PCDHGA1: variants seen among roughly 807,000 people sequenced by gnomAD.
PCDHGA1 encodes protocadherin gamma subfamily A, 1.
Under a neutral mutation model 58.0 loss-of-function variants are expected in PCDHGA1, and 32 were observed. The observed-to-expected ratio is 0.55, with a 90% CI of 0.42 to 0.74. PCDHGA1 has a LOEUF of 0.74. Among genes scored for constraint, PCDHGA1 ranks in the 30% least tolerant of loss-of-function variants. PCDHGA1 has a pLI of 0.00. For missense variants in PCDHGA1, 1,205 were observed against 1,182.3 expected (o/e 1.02, Z -0.28); for synonymous variants, 498 against 501.1 (o/e 0.99, Z 0.08).
In PCDHGA1 at chr5:141,432,039, G is replaced by A; in HGVS notation, c.2422-62768G>A. 1 of 1,614,176 alleles carries A rather than the reference G, an allele frequency of 6.2e-7. No individual in the cohort carries two copies. The highest frequency in any genetic ancestry group is 8.5e-7 in the Non-Finnish European group (1 of 1,180,028). ...AACATCACAGTGACCGCCACTGACC[G>A]GGGAACCCCGCCCCTATCCACGGAA... On this transcript the variant is annotated intron_variant, in intron 1 of 3. Coordinates refer to ENST00000517417, the MANE Select transcript of PCDHGA1 (RefSeq NM_018912.3). This position sits in a 1 kb window ranked among gnomAD's most constrained non-coding sequence, Gnocchi z 6.0.
chr5:141,418,688 A>C, intron 1 of PCDHGA1: 2 of 1,614,032 alleles, frequency 1.2e-6, no homozygotes, highest in Non-Finnish European at 1.7e-6. Flanking sequence ...CAACTCAGAG[A>C]TCACTTATTC....
chr5:141,423,004 G>T lies in PCDHGA1; in HGVS notation c.2422-71803G>T, dbSNP rs1206727312. 2 of 1,614,116 alleles carry T rather than the reference G, an allele frequency of 1.2e-6. No individual in the cohort carries two copies. Among genetic ancestry groups the T allele is most frequent in the African/African-American group, 1.3e-5 (1 of 74,958 alleles). ...ACCTGGCTACCTGGTGACCAAGGTG[G>T]TTGCGGTGGACAAAGATTCAGGCCA... On this transcript the variant is annotated intron_variant, in intron 1 of 3. Transcript: ENST00000517417.
At chr5:141,362,201 A>G in intron 1 of PCDHGA1, 7 of 1,613,962 alleles carry the variant, frequency 4.3e-6, no homozygotes, top group Non-Finnish European at 5.9e-6. Flanking sequence ...GCAAAACTGC[A>G]GTTTTACCTG....
intron 1 of PCDHGA1, among the ~76,000 whole-genome samples, chr5:141,460,183 CCA>C (rs561755067): frequency 7.2e-5 from 11 of 151,782 alleles, no homozygotes; most frequent in Non-Finnish European, 1.0e-4. Context: ...ATATTTTATC[CCA>C]GACTATGACT....
chr5:141,508,171 A>G (rs1364776681), intron 3 of PCDHGA1: 2 of 152,406 alleles, frequency 1.3e-5, no homozygotes, highest in African/African-American at 4.8e-5. Context: ...AGGCTGGCAC[A>G]GGAGAGAAGG....
At chr5:141,389,405 G>T (rs758428464) in intron 1 of PCDHGA1, 1 of 1,613,496 alleles carries the variant, frequency 6.2e-7, no homozygotes, top group South Asian at 1.1e-5. Context: ...CCATAAGCGC[G>T]GAGAGCGGGG....
chr5:141,339,767 G>A, intron 1 of PCDHGA1: 2 of 1,614,140 alleles, frequency 1.2e-6, no homozygotes, highest in East Asian at 2.2e-5. Flanking sequence ...CACGGTGACC[G>A]CCACTGACGC....
chr5:141,428,186 C>CCGCTCTCTG, intron 1 of PCDHGA1: 2 of 1,460,956 alleles, frequency 1.4e-6, no homozygotes, highest in Non-Finnish European at 1.9e-6. Flanking sequence ...AGGACAGCCG[C>CCGCTCTCTG]CGCTCTCTGC....
intron 1 of PCDHGA1, among the ~76,000 whole-genome samples, chr5:141,338,535 A>G (rs769747197): frequency 6.6e-6 from 1 of 152,228 alleles, no homozygotes; most frequent in African/African-American, 2.4e-5. Flanking sequence ...TATCAAGATC[A>G]TGTTCATTTA....
intron 1 of PCDHGA1, chr5:141,360,991 G>A (rs773432270): frequency 1.9e-6 from 3 of 1,613,428 alleles, no homozygotes; most frequent in Non-Finnish European, 2.5e-6. Flanking sequence ...TAATGTGGAC[G>A]AACAAGTGAA....
chr5:141,417,533 A>T (rs1253836392), intron 1 of PCDHGA1: 3 of 274,888 alleles, frequency 1.1e-5, no homozygotes, highest in African/African-American at 2.2e-5. Context: ...CTCGTAGTTT[A>T]AAAAAAATTC....
chr5:141,389,269 A>G, intron 1 of PCDHGA1: 2 of 1,613,976 alleles, frequency 1.2e-6, no homozygotes, highest in Non-Finnish European at 1.7e-6. Flanking sequence ...GTGGCCGAGA[A>G]CAACCCGCCT....
Position 141,332,982 on chromosome 5 carries a change from C to A in PCDHGA1, c.2298C>A (p.Ser766Arg). ...EVSLTADSRK[S>R]HLIFPQPNYA... ...CCCTCACTGCGGACTCGCGGAAGAG[C>A]CACCTGATTTTCCCCCAGCCCAACT... Residue 766 changes from serine (S) to arginine (R), a missense_variant, in exon 1 of 4, where the codon AGC becomes AGA. Physicochemically the swap from Ser to Arg is moderately radical, Grantham distance 110 (BLOSUM62 -1). Transcript: ENST00000517417. The surrounding 1 kb of genome is among the most constrained non-coding windows in gnomAD (Gnocchi z 4.6). 6.2e-7 allele frequency: 1 copy of A among 1,614,212 alleles called. No individual in the cohort carries two copies. Among genetic ancestry groups the A allele is most frequent in the Non-Finnish European group, 8.5e-7 (1 of 1,180,044 alleles).
intron 1 of PCDHGA1, chr5:141,404,337 C>CG (rs1376523964): frequency 1.9e-6 from 3 of 1,613,784 alleles, no homozygotes; most frequent in Non-Finnish European, 2.5e-6. Context: ...GTCTACCTCC[C>CG]GGAAAACAAC....
rs752112707 is a variant in PCDHGA1, at chr5:141,376,279, A to G, written c.2421+43174A>G. 22 of 1,614,054 alleles carry G rather than the reference A, an allele frequency of 1.4e-5. No homozygotes were observed. The Admixed American group carries it at 1.8e-4, about 13-fold the overall frequency. ...TGCTGCAGGCTTCGGGAGGTGGCTT[A>G]GCGAGCATGCCCGGCTCGCACTTTG... is the stretch of plus-strand genomic sequence containing the variant. On this transcript the variant is annotated intron_variant, in intron 1 of 3. Coordinates refer to ENST00000517417, the MANE Select transcript of PCDHGA1 (RefSeq NM_018912.3).
At chr5:141,370,978 T>C (rs2149975927) in intron 1 of PCDHGA1, 1 of 1,613,976 alleles carries the variant, frequency 6.2e-7, no homozygotes, top group Non-Finnish European at 8.5e-7. Flanking sequence ...CCAGAGCTAG[T>C]ACTGAAAGCA....
At chr5:141,344,116 C>CCGGTCA (rs1236669885) in intron 1 of PCDHGA1, 1 of 1,613,892 alleles carries the variant, frequency 6.2e-7, no homozygotes, top group Non-Finnish European at 8.5e-7. Context: ...GAAACAGGAT[C>CCGGTCA]CGGTCAGATC....
chr5:141,394,809 G>C (rs1346374248), intron 1 of PCDHGA1: 1 of 1,613,892 alleles, frequency 6.2e-7, no homozygotes, highest in Non-Finnish European at 8.5e-7. Flanking sequence ...AGCCGTGGCT[G>C]ACAGCATCCC....
chr5:141,418,985 T>G, intron 1 of PCDHGA1: 1 of 1,613,882 alleles, frequency 6.2e-7, no homozygotes, highest in Non-Finnish European at 8.5e-7. Context: ...GGACCAAGAC[T>G]CAGGGGAAAA....
Sources: gnomAD v4.1 joint callset for allele counts (sites outside exome capture counted in the v4.1 genomes callset) on GRCh38, gnomAD v4.1.1 for gene constraint, Gnocchi (gnomAD v3.1) non-coding constraint, MANE v1.5 for transcripts, NCBI Gene and HGNC (gene_info 2026-07-23, HGNC 2026-07-21) for gene names.